PCDHGA2: variants seen among roughly 807,000 people sequenced by gnomAD.
PCDHGA2 encodes the protein protocadherin gamma-A2.
In PCDHGA2, 40 loss-of-function variants were observed where a neutral mutation model predicts 59.2. The observed-to-expected ratio is 0.68, with a 90% CI of 0.52 to 0.88. The LOEUF (loss-of-function observed/expected upper bound fraction) is 0.88. PCDHGA2 is among the 40% of genes least tolerant of loss of function. The pLI is 0.00. For synonymous variants in PCDHGA2, 560 were observed against 526.0 expected (o/e 1.06, Z -0.89); for missense variants, 1,226 against 1,204.0 (o/e 1.02, Z -0.27).
chr5:141,374,615 T>G lies in PCDHGA2; in HGVS notation c.2424+33220T>G, dbSNP rs777034606. ...ATTTAAGCTCAGTGGTAATAGTCACTTCTCAGTGGACGTGCAAAGCGAAGC... is the reference window on the plus strand; with the variant it reads ...ATTTAAGCTCAGTGGTAATAGTCACGTCTCAGTGGACGTGCAAAGCGAAGC... On this transcript the variant is annotated intron_variant, in intron 1 of 3. Coordinates refer to ENST00000394576, the MANE Select transcript of PCDHGA2 (RefSeq NM_018915.4). 108 of 1,613,570 alleles carry G rather than the reference T, an allele frequency of 6.7e-5. 1 individual carries two copies. In the East Asian group the frequency reaches 2.4e-3, roughly 35 times the overall value.
At chr5:141,355,706 G>T in intron 1 of PCDHGA2, 1 of 1,613,984 alleles carries the variant, frequency 6.2e-7, no homozygotes, top group South Asian at 1.1e-5. Flanking sequence ...TCCCTGCAGG[G>T]TTACCAGCTC....
chr5:141,365,012 A>G (rs1309716907), intron 1 of PCDHGA2: 2 of 1,613,794 alleles, frequency 1.2e-6, no homozygotes, highest in African/African-American at 2.7e-5. Context: ...CACCACGCAC[A>G]TCCGTGTTAC....
intron 1 of PCDHGA2, chr5:141,388,774 G>A: frequency 3.1e-6 from 5 of 1,613,878 alleles, no homozygotes; most frequent in Non-Finnish European, 4.2e-6. Flanking sequence ...TCTAACACCG[G>A]GGAAATTACT....
chr5:141,398,313 G>T lies in PCDHGA2; in HGVS notation c.2424+56918G>T, dbSNP rs1270917645. The T allele has an allele frequency of 6.6e-6, 9 of 1,358,982 alleles. No individual in the cohort carries two copies. The South Asian group carries it at 1.1e-4, about 16-fold the overall frequency. 84.2% of individuals were successfully genotyped at this position (1,358,982 alleles called of 1,614,324 possible). A position where few individuals can be genotyped will look rare whatever the true frequency, so the allele number is the denominator to read the frequency against. ...TGGGGTTCAGCGTCCAGGAGTTACC[G>T]ACTCGAAAACTGCGCGTCAGTTCGG... On this transcript the variant is annotated intron_variant, in intron 1 of 3. Transcript: ENST00000394576.
At chr5:141,449,467 C>G (rs1356192128) in intron 1 of PCDHGA2, among the ~76,000 whole-genome samples, 1 of 150,842 alleles carries the variant, frequency 6.6e-6, no homozygotes, top group South Asian at 2.1e-4. Flanking sequence ...ATTAGCCAGG[C>G]CTGGTACCCC....
rs747138327 is a variant in PCDHGA2, at chr5:141,346,387, G to A, written c.2424+4992G>A. 5.0e-5 allele frequency: 80 copies of A among 1,614,150 alleles called. No homozygotes were observed. Among genetic ancestry groups the A allele is most frequent in the Non-Finnish European group, 5.1e-5 (60 of 1,180,064 alleles). ...GACACGCTCATCAGCCAGGAGAGCT[G>A]TGAGAAAAGCGAGCCTCTTCTGATA... On this transcript the variant is annotated intron_variant, in intron 1 of 3. Coordinates refer to ENST00000394576, the MANE Select transcript of PCDHGA2 (RefSeq NM_018915.4).
Position 141,490,179 on chromosome 5 carries a change from A to G in PCDHGA2, c.2425-4628A>G. On this transcript the variant is annotated intron_variant, in intron 1 of 3. Transcript: ENST00000394576. This position sits in a 1 kb window ranked among gnomAD's most constrained non-coding sequence, Gnocchi z 5.4. Reference sequence around the variant, plus strand: ...TGGGTCCCATAGACTTTGAGGAGTCACGTTTCTATGAAATTCATGCAAGAG... The same window carrying G: ...TGGGTCCCATAGACTTTGAGGAGTCGCGTTTCTATGAAATTCATGCAAGAG... 1 of 1,614,202 alleles carries G rather than the reference A, an allele frequency of 6.2e-7. No individual in the cohort carries two copies. Among genetic ancestry groups the G allele is most frequent in the East Asian group, 2.2e-5 (1 of 44,882 alleles).
intron 1 of PCDHGA2, chr5:141,371,552 A>G (rs1414054761): frequency 1.9e-6 from 3 of 1,613,854 alleles, no homozygotes; most frequent in Admixed American, 1.7e-5. Context: ...TATGCCAACT[A>G]AAAGGAAACT....
chr5:141,494,037 T>C (rs2099751443), intron 1 of PCDHGA2, among the ~76,000 whole-genome samples: 1 of 152,146 alleles, frequency 6.6e-6, no homozygotes, highest in South Asian at 2.1e-4. Context: ...GAGACTTAGT[T>C]GGCCCTGCTT....
rs554157447 is a variant in PCDHGA2 at position 141,340,857 on chromosome 5, C to T, written c.1886C>T (p.Ala629Val). 2.5e-6 allele frequency: 4 copies of T among 1,613,566 alleles called. No individual in the cohort carries two copies. The Admixed American group carries it at 5.0e-5, about 20-fold the overall frequency. Residue 629 changes from alanine (A) to valine (V), a missense_variant, in exon 1 of 4, where the codon GCG (alanine) becomes GTG (valine). Ala to Val is a moderately conservative substitution (Grantham distance 64). Coordinates refer to ENST00000394576, the MANE Select transcript of PCDHGA2 (RefSeq NM_018915.4). ...CTGCACACGGGCGAGGTGCGCACGG[C>T]GCGAGCCCTGCTGGACAGAGACGCG... is the stretch of plus-strand genomic sequence containing the variant. The part of the protein sequence containing the change: ...VGLHTGEVRT[A>V]RALLDRDALK...
chr5:141,419,217 G>A (rs1407588828), intron 1 of PCDHGA2: 1 of 1,613,936 alleles, frequency 6.2e-7, no homozygotes, highest in Admixed American at 1.7e-5. Context: ...CCGGTTTTCG[G>A]ACAGTCAGCC....
chr5:141,343,974 T>C (rs753400082), intron 1 of PCDHGA2: 24 of 1,393,170 alleles, frequency 1.7e-5, no homozygotes, highest in East Asian at 4.8e-5. Context: ...GAAAATAAGA[T>C]TGGAGTCCGT....
At position 141,487,796 on chromosome 5, in the gene PCDHGA2, T is replaced by C. The variant is rs766798983; in HGVS notation, c.2425-7011T>C. ...TAACTGTTTCGTGAATTAACCAGAG[T>C]TGTCACAGTTTAGCATTGGGGGCGG... On this transcript the variant is annotated intron_variant, in intron 1 of 3. Coordinates refer to ENST00000394576, the MANE Select transcript of PCDHGA2 (RefSeq NM_018915.4). The surrounding 1 kb of genome is among the most constrained non-coding windows in gnomAD (Gnocchi z 5.0). 15 of 1,498,660 alleles carry C rather than the reference T, an allele frequency of 1.0e-5. No homozygotes were observed. The highest frequency in any genetic ancestry group is 1.4e-5 in the Non-Finnish European group (15 of 1,110,900). 92.8% of individuals were successfully genotyped at this position (1,498,660 alleles called of 1,614,324 possible). A position where few individuals can be genotyped will look rare whatever the true frequency, so the allele number is the denominator to read the frequency against.
rs562011010 is a variant in PCDHGA2, at chr5:141,427,600, G to A, written c.2425-67207G>A. On this transcript the variant is annotated intron_variant, in intron 1 of 3. Coordinates refer to ENST00000394576, the MANE Select transcript of PCDHGA2 (RefSeq NM_018915.4). ...TCATCCAGCACAAGCCTCACCCTAC[G>A]CATTGGTGAAGTCAACGACAATGCT... The A allele has an allele frequency of 6.7e-5, 46 of 683,296 alleles. 1 individual carries two copies. The East Asian group carries it at 1.2e-3, about 18-fold the overall frequency. 42.3% of individuals were successfully genotyped at this position (683,296 alleles called of 1,614,324 possible). A position where few individuals can be genotyped will look rare whatever the true frequency, so the allele number is the denominator to read the frequency against.
At chr5:141,418,894 A>G (rs200182481) in intron 1 of PCDHGA2, 2 of 1,614,004 alleles carry the variant, frequency 1.2e-6, no homozygotes, top group East Asian at 4.5e-5. Context: ...ACAACAGCCC[A>G]GAAATAATCA....
chr5:141,365,498 T>A, intron 1 of PCDHGA2: 1 of 1,613,936 alleles, frequency 6.2e-7, no homozygotes, highest in Non-Finnish European at 8.5e-7. Flanking sequence ...TCCTAGGAAT[T>A]TGCCTTTTAA....
intron 1 of PCDHGA2, chr5:141,365,848 C>A: frequency 6.2e-7 from 1 of 1,614,008 alleles, no homozygotes; most frequent in Non-Finnish European, 8.5e-7. Flanking sequence ...CCTATGTATC[C>A]ATTAACTCTG....
At chr5:141,421,489 G>A in intron 1 of PCDHGA2, 1 of 1,614,094 alleles carries the variant, frequency 6.2e-7, no homozygotes, top group Non-Finnish European at 8.5e-7. Flanking sequence ...CTTGATCACG[G>A]CAGGCAGGAT....
chr5:141,360,228 C>T, intron 1 of PCDHGA2: 1 of 1,613,842 alleles, frequency 6.2e-7, no homozygotes, highest in African/African-American at 1.3e-5. Context: ...CTCTCCCAGT[C>T]CAGATCCGCT....
Sources: allele counts gnomAD v4.1 joint callset (sites outside exome capture counted in the v4.1 genomes callset), GRCh38; gene constraint gnomAD v4.1.1; non-coding constraint Gnocchi (gnomAD v3.1); transcripts MANE v1.5; gene names NCBI Gene and HGNC (gene_info 2026-07-23, HGNC 2026-07-21).